The following FAM193A variants were observed in gnomAD, a reference collection of about 807,000 sequenced individuals.
FAM193A encodes the protein family with sequence similarity 193 member A.
In FAM193A, 22 loss-of-function variants were observed where a neutral mutation model predicts 126.5. The ratio of observed to expected loss-of-function variants is 0.17; its 90% CI spans 0.12 to 0.25. The LOEUF is 0.25. FAM193A is among the 10% of genes least tolerant of loss of function. FAM193A has a pLI of 1.00. For synonymous variants in FAM193A, 761 were observed against 646.8 expected, an observed-to-expected ratio of 1.18 and a Z score of -2.68; for missense variants, 1,675 against 1,672.8, an observed-to-expected ratio of 1.00 and a Z score of -0.02.
chr4:2,730,206 C>T (rs994617426), intron 20 of FAM193A, among the ~76,000 whole-genome samples: 1 of 150,638 alleles, frequency 6.6e-6, no homozygotes, highest in South Asian at 2.1e-4. Context: ...CCATGGCCAG[C>T]TTCAGATCTC....
At chr4:2,575,012 CCTCTTT>C (rs201873524) in intron 1 of FAM193A, among the ~76,000 whole-genome samples, 4 of 152,174 alleles carry the variant, frequency 2.6e-5, no homozygotes, top group East Asian at 1.9e-4. Flanking sequence ...TCTTCCTCTT[CCTCTTT>C]CTCCCACACA....
At chr4:2,550,819 A>G in intron 1 of FAM193A, among the ~76,000 whole-genome samples, 1 of 129,752 alleles carries the variant, frequency 7.7e-6, no homozygotes, top group African/African-American at 2.9e-5. Flanking sequence ...TTATTTATTT[A>G]GAGATGAGTC....
chr4:2,592,154 C>T (rs1013863168), intron 1 of FAM193A, among the ~76,000 whole-genome samples: 4 of 152,008 alleles, frequency 2.6e-5, no homozygotes, highest in African/African-American at 4.8e-5. Context: ...TGCAGTGGCG[C>T]GATATCCGCT....
intron 2 of FAM193A, among the ~76,000 whole-genome samples, chr4:2,605,700 G>A (rs114740490): frequency 0.018 from 2,676 of 152,152 alleles, 63 homozygotes; most frequent in African/African-American, 0.051. Context: ...GGCCGGACAC[G>A]GTGGCTCACG....
At chr4:2,598,568 ATGTGTTCC>A (rs1741004418) in intron 2 of FAM193A, among the ~76,000 whole-genome samples, 1 of 152,172 alleles carries the variant, frequency 6.6e-6, no homozygotes, top group Non-Finnish European at 1.5e-5. Flanking sequence ...ATGAGTTAGA[ATGTGTTCC>A]TGTTTCTTCT....
chr4:2,543,866 T>G, intron 1 of FAM193A, among the ~76,000 whole-genome samples: 1 of 52,068 alleles, frequency 1.9e-5, no homozygotes, highest in Non-Finnish European at 3.8e-5. Context: ...TGAGACATTG[T>G]CTCAAAAAAA....
intron 1 of FAM193A, among the ~76,000 whole-genome samples, chr4:2,550,775 A>T (rs771264199): frequency 0.05 from 116 of 2,342 alleles, 3 homozygotes; most frequent in East Asian, 0.4. Context: ...TTATATTTTT[A>T]TTTATTTATT....
chr4:2,554,688 A>G (rs1264186046), intron 1 of FAM193A, among the ~76,000 whole-genome samples: 1 of 152,120 alleles, frequency 6.6e-6, no homozygotes, highest in Admixed American at 6.6e-5. Flanking sequence ...GTCTCTGCCT[A>G]AAATTGTAGA....
chr4:2,657,965 T>C, intron 8 of FAM193A, 85 bp downstream of exon 8: 1 of 938,622 alleles, frequency 1.1e-6, no homozygotes, highest in Non-Finnish European at 1.7e-6. Context: ...TGATGTGCTT[T>C]GTTAGAACAG....
intron 20 of FAM193A, 49 bp downstream of exon 20, chr4:2,716,153 T>A: frequency 8.1e-7 from 1 of 1,234,668 alleles, no homozygotes; most frequent in Non-Finnish European, 1.2e-6. Context: ...GTGCTTGCCA[T>A]ACATGTTTGG....
Position 2,639,683 on chromosome 4 carries a change from T to C in FAM193A, c.1039-52T>C, listed in dbSNP as rs1744414740. 5.9e-6 allele frequency: 9 copies of C among 1,525,768 alleles called. 1 individual carries two copies. The South Asian group carries it at 9.5e-5, about 16-fold the overall frequency. The allele number at this position is 1,525,768 out of a possible 1,614,324, so 94.5% of individuals were successfully genotyped here. A position where few individuals can be genotyped will look rare whatever the true frequency, so the allele number is the denominator to read the frequency against. On this transcript the variant is annotated intron_variant, in intron 5 of 20. Transcript: ENST00000637812. Reference sequence around the variant, plus strand: ...GGGAATCCCTCTGGGAATTTTCTAGTCTTTAGCAATTCACTACATCTTCTG... The same window carrying C: ...GGGAATCCCTCTGGGAATTTTCTAGCCTTTAGCAATTCACTACATCTTCTG...
chr4:2,625,234 G>A (rs1310554443), intron 2 of FAM193A, 28 bp from the exon 3 acceptor site: 15 of 686,398 alleles, frequency 2.2e-5, no homozygotes, highest in African/African-American at 5.3e-5. Flanking sequence ...TAACATAACT[G>A]GTCTATTCTG....
intron 6 of FAM193A, among the ~76,000 whole-genome samples, chr4:2,644,664 C>G (rs1398757948): frequency 6.6e-6 from 1 of 152,126 alleles, no homozygotes; most frequent in Non-Finnish European, 1.5e-5. Context: ...CCTCTGCTGC[C>G]TTCCCTGGAG....
intron 1 of FAM193A, among the ~76,000 whole-genome samples, chr4:2,577,164 C>G (rs559498110): frequency 3.0e-5 from 3 of 99,480 alleles, no homozygotes; most frequent in African/African-American, 9.4e-5. Flanking sequence ...TACTTTTTTT[C>G]TTTTTTGAGA....
Position 2,672,381 on chromosome 4 carries a change from G to A in FAM193A, c.2331+9G>A. On this transcript the variant is annotated intron_variant, in intron 13 of 20. Transcript: ENST00000637812. Reference sequence around the variant, plus strand: ...CCTTCACACACAGTAAGGTAAGTCAGGGCAAAAAGGGTCTGAAAGCTCACT... The same window carrying A: ...CCTTCACACACAGTAAGGTAAGTCAAGGCAAAAAGGGTCTGAAAGCTCACT... The A allele has an allele frequency of 6.2e-7, 1 of 1,610,812 alleles. No homozygotes were observed.
At chr4:2,567,032 C>T (rs1252741272) in intron 1 of FAM193A, among the ~76,000 whole-genome samples, 3 of 151,736 alleles carry the variant, frequency 2.0e-5, no homozygotes, top group African/African-American at 7.3e-5. Context: ...CTCCGCCTCC[C>T]AGGTTCACGC....
chr4:2,653,737 C>T (rs1745899723), intron 7 of FAM193A, among the ~76,000 whole-genome samples: 1 of 152,184 alleles, frequency 6.6e-6, no homozygotes, highest in Admixed American at 6.5e-5. Context: ...CCACCATGCC[C>T]AGCCAGGAGA....
intron 13 of FAM193A, among the ~76,000 whole-genome samples, chr4:2,678,360 GTT>G (rs201173761): frequency 5.8e-5 from 7 of 120,160 alleles, no homozygotes; most frequent in Non-Finnish European, 1.0e-4. Context: ...GGTTTTGGTG[GTT>G]TTTTTTTTTT....
chr4:2,726,774 A>G (rs181564016), intron 20 of FAM193A, among the ~76,000 whole-genome samples: 1,522 of 140,604 alleles, frequency 0.011, 33 homozygotes, highest in African/African-American at 0.039. Context: ...TTTACTAAAA[A>G]TACCAAAAAA....
Sources: allele counts gnomAD v4.1 joint callset (sites outside exome capture counted in the v4.1 genomes callset), GRCh38; gene constraint gnomAD v4.1.1; transcripts MANE v1.5; gene names NCBI Gene and HGNC (gene_info 2026-07-23, HGNC 2026-07-21).